The following ZFAND3 variants were observed in gnomAD, a reference collection of about 807,000 sequenced individuals.
The protein encoded by ZFAND3 is AN1-type zinc finger protein 3.
In ZFAND3, 10 loss-of-function variants were observed where a neutral mutation model predicts 29.6. The ratio of observed to expected loss-of-function variants is 0.34; its 90% confidence interval spans 0.21 to 0.57. The LOEUF is 0.57. ZFAND3 is among the 20% of genes least tolerant of loss of function. The pLI, the probability that ZFAND3 is intolerant of heterozygous loss-of-function variation, is 0.86. For missense variants in ZFAND3, 230 were observed against 304.5 expected (o/e 0.76, Z 1.82); for synonymous variants, 128 against 112.6 (o/e 1.14, Z -0.87).
intron 2 of ZFAND3, among the ~76,000 whole-genome samples, chr6:37,958,750 C>T (rs1762145781): frequency 6.6e-6 from 1 of 151,542 alleles, no homozygotes; most frequent in Admixed American, 6.6e-5. Context: ...CCCTTCCCCA[C>T]CCACCGACGG....
At chr6:38,083,152 A>G (rs1047132040) in intron 4 of ZFAND3, among the ~76,000 whole-genome samples, 4 of 152,176 alleles carry the variant, frequency 2.6e-5, no homozygotes, top group African/African-American at 9.7e-5. Flanking sequence ...TAAAGGTCAC[A>G]GAGTATTTTT....
intron 4 of ZFAND3, among the ~76,000 whole-genome samples, chr6:38,103,393 AC>A (rs1354606435): frequency 3.4e-5 from 5 of 147,742 alleles, no homozygotes; most frequent in African/African-American, 1.3e-4. Flanking sequence ...ATACACACAC[AC>A]ATATATATAC....
At chr6:37,953,419 CG>C (rs1762032232) in intron 2 of ZFAND3, among the ~76,000 whole-genome samples, 1 of 140,830 alleles carries the variant, frequency 7.1e-6, no homozygotes, top group Admixed American at 7.3e-5. Flanking sequence ...TGTTGTCATA[CG>C]TTTTACTTTT....
At chr6:37,890,281 T>G (rs1429218642) in intron 1 of ZFAND3, among the ~76,000 whole-genome samples, 1 of 152,212 alleles carries the variant, frequency 6.6e-6, no homozygotes, top group African/African-American at 2.4e-5. Context: ...GCACTTCAGT[T>G]TGAGTCCCTA....
intron 4 of ZFAND3, among the ~76,000 whole-genome samples, chr6:38,114,915 C>A (rs1210697900): frequency 6.6e-6 from 1 of 152,108 alleles, no homozygotes; most frequent in African/African-American, 2.4e-5. Flanking sequence ...TTGGAGTTTG[C>A]TTTCTTTTAG....
At chr6:38,095,903 C>T (rs1020184575) in intron 4 of ZFAND3, among the ~76,000 whole-genome samples, 1 of 151,798 alleles carries the variant, frequency 6.6e-6, no homozygotes, top group Non-Finnish European at 1.5e-5. Context: ...CATAGTGGTG[C>T]GCACCTGTGG....
intron 1 of ZFAND3, among the ~76,000 whole-genome samples, chr6:37,869,950 G>A (rs1466762200): frequency 6.6e-6 from 1 of 151,404 alleles, no homozygotes; most frequent in Non-Finnish European, 1.5e-5. Context: ...TCTTTTTCTA[G>A]TGTCTTGAGC....
At chr6:37,827,794 T>C (rs1763787098) in intron 1 of ZFAND3, among the ~76,000 whole-genome samples, 1 of 152,214 alleles carries the variant, frequency 6.6e-6, no homozygotes, top group African/African-American at 2.4e-5. Flanking sequence ...ATGTCCCATA[T>C]CATAGGCAAG....
chr6:37,925,609 C>A (rs1761469225), intron 1 of ZFAND3, among the ~76,000 whole-genome samples: 1 of 151,678 alleles, frequency 6.6e-6, no homozygotes, highest in Non-Finnish European at 1.5e-5. Flanking sequence ...GAGGCTGAGG[C>A]CGGAGAATCG....
At chr6:38,061,801 G>A in intron 3 of ZFAND3, 26 bp downstream of exon 3, 1 of 1,611,806 alleles carries the variant, frequency 6.2e-7, no homozygotes, top group Non-Finnish European at 8.5e-7. Context: ...CTGAGGGGTG[G>A]TAGAGAGAGC....
chr6:37,843,597 T>C (rs1764120270), intron 1 of ZFAND3, among the ~76,000 whole-genome samples: 1 of 152,202 alleles, frequency 6.6e-6, no homozygotes, highest in Admixed American at 6.5e-5. Flanking sequence ...AATAGGAGAA[T>C]TTTGTTTTGA....
At chr6:37,855,179 C>G (rs1377656708) in intron 1 of ZFAND3, among the ~76,000 whole-genome samples, 1 of 148,134 alleles carries the variant, frequency 6.8e-6, no homozygotes, top group Non-Finnish European at 1.5e-5. Context: ...GAGTCTCACT[C>G]TGTTGCCCAG....
chr6:37,821,252 A>G (rs10807188), intron 1 of ZFAND3, among the ~76,000 whole-genome samples: 38,505 of 152,202 alleles, frequency 0.25, 6,485 homozygotes, highest in Non-Finnish European at 0.38. Flanking sequence ...GTCGTATCTC[A>G]AGGTTATGAC....
chr6:38,110,809 A>C (rs1183307154), intron 4 of ZFAND3, among the ~76,000 whole-genome samples: 2 of 152,144 alleles, frequency 1.3e-5, no homozygotes, highest in East Asian at 3.9e-4. Flanking sequence ...CCTATTCTGT[A>C]TTGTGAGTGT....
At chr6:37,949,165 G>A (rs1336616245) in intron 2 of ZFAND3, among the ~76,000 whole-genome samples, 1 of 152,128 alleles carries the variant, frequency 6.6e-6, no homozygotes, top group Non-Finnish European at 1.5e-5. Flanking sequence ...ACTGGTGTGA[G>A]ATGATATCTC....
intron 1 of ZFAND3, among the ~76,000 whole-genome samples, chr6:37,884,494 C>CAAAAAAAAAAAAAAAAAAAA (rs58015486): frequency 1.9e-5 from 1 of 53,844 alleles, no homozygotes; most frequent in Non-Finnish European, 3.0e-5. Context: ...AACTCTAGCT[C>CAAAAAAAAAAAAAAAAAAAA]AAAAAAAAAA....
intron 2 of ZFAND3, among the ~76,000 whole-genome samples, chr6:37,963,746 C>G (rs2127425558): frequency 6.6e-6 from 1 of 152,206 alleles, no homozygotes; most frequent in African/African-American, 2.4e-5. Flanking sequence ...CTTTGACTTT[C>G]TGCTGTTTTT....
At chr6:37,824,998 T>G (rs1468334157) in intron 1 of ZFAND3, among the ~76,000 whole-genome samples, 1 of 152,240 alleles carries the variant, frequency 6.6e-6, no homozygotes, top group Non-Finnish European at 1.5e-5. Flanking sequence ...TTGGCAATCA[T>G]AAGATACTGA....
chr6:37,994,227 A>G (rs182626238), intron 2 of ZFAND3, among the ~76,000 whole-genome samples: 4 of 152,242 alleles, frequency 2.6e-5, no homozygotes, highest in Non-Finnish European at 4.4e-5. Context: ...AAAATCCTTC[A>G]GTGTCTTCCA....
Sources: gnomAD v4.1 joint callset for allele counts (sites outside exome capture counted in the v4.1 genomes callset) on GRCh38, gnomAD v4.1.1 for gene constraint, MANE v1.5 for transcripts, NCBI Gene and HGNC (gene_info 2026-07-23, HGNC 2026-07-21) for gene names.